Variants in CHD6 observed in about 807,000 individuals in gnomAD.
The protein encoded by CHD6 is chromodomain helicase DNA binding protein 6.
CHD6 carries 50 observed loss-of-function variants against 276.9 expected under a neutral mutation model. The observed-to-expected ratio is 0.18, with a 90% CI of 0.14 to 0.23. CHD6 has a LOEUF of 0.23. Ranked by LOEUF, CHD6 falls within the 10% of genes least tolerant of loss-of-function variation. The pLI is 1.00. For missense variants in CHD6, 2,564 were observed against 3,365.8 expected, an observed-to-expected ratio of 0.76 and a Z score of 5.89; for synonymous variants, 1,173 against 1,229.3, an observed-to-expected ratio of 0.95 and a Z score of 0.96.
intron 1 of CHD6, among the ~76,000 whole-genome samples, chr20:41,589,178 T>G (rs1601172181): frequency 6.6e-6 from 1 of 152,340 alleles, no homozygotes; most frequent in East Asian, 1.9e-4. Flanking sequence ...CCCTTCATGC[T>G]AAAAACTCTC....
In CHD6 at chr20:41,493,917, A is replaced by T; in HGVS notation, c.1120T>A (p.Tyr374Asn). Residue 374 changes from tyrosine (Y) to asparagine (N), a missense_variant, in exon 9 of 37, where the codon TAT becomes AAT. By Grantham distance (143) the Tyr-to-Asn change is moderately radical. Coordinates refer to ENST00000373233, the MANE Select transcript of CHD6 (RefSeq NM_032221.5). ...TCCAAGATGCGATCAACTTCTACAT[A>T]GTCTGGATTGAACAAGTCTTCATCA... ...EPDEDLFNPDYVEVDRILEVA... is the reference protein window; with the variant it reads ...EPDEDLFNPDNVEVDRILEVA... 6.2e-7 allele frequency: 1 copy of T among 1,613,950 alleles called. No homozygotes were observed. Among genetic ancestry groups the T allele is most frequent in the Non-Finnish European group, 8.5e-7 (1 of 1,179,892 alleles).
At chr20:41,453,223 G>GCC (rs374268945) in intron 20 of CHD6, among the ~76,000 whole-genome samples, 1 of 150,162 alleles carries the variant, frequency 6.7e-6, no homozygotes, top group South Asian at 2.1e-4. Flanking sequence ...GGCAGGCAAG[G>GCC]CCCCCCCCCA....
At chr20:41,450,656 G>C (rs1393353733) in intron 23 of CHD6, among the ~76,000 whole-genome samples, 1 of 152,218 alleles carries the variant, frequency 6.6e-6, no homozygotes, top group African/African-American at 2.4e-5. Context: ...CAGGGGCAGA[G>C]GATGACCTGA....
chr20:41,539,968 C>T lies in CHD6; in HGVS notation c.34-6398G>A, dbSNP rs573684022. On this transcript the variant is annotated intron_variant, in intron 2 of 36. Coordinates refer to ENST00000373233, the MANE Select transcript of CHD6 (RefSeq NM_032221.5). ...ATCACATTTTTGTTTTTAAAAAATACTATACGAATGCTAGCTTTTTAAAAC... is the reference window on the plus strand; with the variant it reads ...ATCACATTTTTGTTTTTAAAAAATATTATACGAATGCTAGCTTTTTAAAAC... 3.9e-5 allele frequency among the ~76,000 whole-genome samples: 6 copies of T among 152,282 alleles called. No individual in the cohort carries two copies. In the East Asian group the frequency reaches 1.2e-3, roughly 29 times the overall value.
At chr20:41,514,702 G>T in intron 4 of CHD6, 103 bp downstream of exon 4, 1 of 1,329,482 alleles carries the variant, frequency 7.5e-7, no homozygotes, top group Non-Finnish European at 1.0e-6. Flanking sequence ...CCCAGGGCTA[G>T]GGAGTGTGCT....
Position 41,473,987 on chromosome 20 carries a change from G to A in CHD6, c.2469-470C>T, listed in dbSNP as rs531063989. 6.6e-5 allele frequency among the ~76,000 whole-genome samples: 10 copies of A among 152,250 alleles called. No individual in the cohort carries two copies. The East Asian group carries it at 1.9e-3, about 29-fold the overall frequency. On this transcript the variant is annotated intron_variant, in intron 16 of 36. Transcript: ENST00000373233. This position sits in a 1 kb window ranked among gnomAD's most constrained non-coding sequence, Gnocchi z 4.1. ...GCTACTTTAGGGTAAACCAGAAATG[G>A]TAAGAAGATTAAACTGTGAGGCAGT... is the stretch of plus-strand genomic sequence containing the variant.
intron 1 of CHD6, among the ~76,000 whole-genome samples, chr20:41,574,959 C>T (rs898347516): frequency 6.6e-6 from 1 of 152,166 alleles, no homozygotes; most frequent in African/African-American, 2.4e-5. Context: ...CAGGGAAAAC[C>T]GATCAGACAT....
At chr20:41,446,397 C>T (rs1020311918) in intron 24 of CHD6, among the ~76,000 whole-genome samples, 1 of 151,816 alleles carries the variant, frequency 6.6e-6, no homozygotes, top group African/African-American at 2.4e-5. Context: ...ACATAACTCA[C>T]CCCAGGGCAC....
chr20:41,484,388 G>A lies in CHD6; in HGVS notation c.2221C>T (p.Leu741=), dbSNP rs924144952. 5 of 1,613,722 alleles carry A rather than the reference G, an allele frequency of 3.1e-6. No homozygotes were observed. The highest frequency in any genetic ancestry group is 3.3e-5 in the Admixed American group (2 of 59,980). ...TAGGGATGGTTACAGCACTTCCTCA[G>A]CTCCATCATGGTGTTGATGAGATTG... The part of the protein sequence containing the change: ...MPNLINTMME[L]RKCCNHPYLI... Residue 741 remains leucine, a synonymous_variant, in exon 15 of 37, where the codon CTG becomes TTG. Coordinates refer to ENST00000373233, the MANE Select transcript of CHD6 (RefSeq NM_032221.5).
At chr20:41,544,526 A>T (rs997413116) in intron 2 of CHD6, among the ~76,000 whole-genome samples, 2 of 152,126 alleles carry the variant, frequency 1.3e-5, no homozygotes, top group Non-Finnish European at 2.9e-5. Flanking sequence ...GCTTATTTCC[A>T]TTAAAATTTT....
chr20:41,603,121 G>T (rs572668052), intron 1 of CHD6, among the ~76,000 whole-genome samples: 9 of 152,130 alleles, frequency 5.9e-5, no homozygotes, highest in Non-Finnish European at 8.8e-5. Context: ...GAGAGGCCAA[G>T]GTGGGTGGAT....
In CHD6 at chr20:41,483,347, G is replaced by A; in HGVS notation, c.2430C>T (p.Arg810=). The A allele has an allele frequency of 6.2e-7, 1 of 1,613,722 alleles. No homozygotes were observed. Among genetic ancestry groups the A allele is most frequent in the Non-Finnish European group, 8.5e-7 (1 of 1,179,784 alleles). The change falls in exon 16 of 37, where the codon CGC becomes CGT. Residue 810 remains arginine (R), a synonymous_variant. Coordinates refer to ENST00000373233, the MANE Select transcript of CHD6 (RefSeq NM_032221.5). ...GGTAATCTTCTAGGATGTCGAGGCA[G>A]CGCACCATCTGGGAGAAGATGAGTA... ...HKVLIFSQMV[R]CLDILEDYLI...
At chr20:41,445,601 G>T in intron 25 of CHD6, 64 bp downstream of exon 25, 2 of 1,021,750 alleles carry the variant, frequency 2.0e-6, no homozygotes, top group East Asian at 2.4e-5. Flanking sequence ...TAGTTGGAGG[G>T]GCTGAACTCA....
intron 5 of CHD6, among the ~76,000 whole-genome samples, chr20:41,507,791 A>T (rs2044012899): frequency 6.6e-6 from 1 of 152,204 alleles, no homozygotes; most frequent in Non-Finnish European, 1.5e-5. Context: ...TTTTATCCTT[A>T]GGGAAAAATT....
intron 17 of CHD6, among the ~76,000 whole-genome samples, chr20:41,471,988 C>T (rs1165025654): frequency 6.6e-6 from 1 of 152,056 alleles, no homozygotes; most frequent in Non-Finnish European, 1.5e-5. Context: ...AATCCCACCA[C>T]TTTGGGAGGC....
intron 2 of CHD6, among the ~76,000 whole-genome samples, chr20:41,546,378 C>T (rs1337046538): frequency 6.6e-6 from 1 of 152,104 alleles, no homozygotes; most frequent in African/African-American, 2.4e-5. Flanking sequence ...AGCTCCAAGC[C>T]GTCATCCTAC....
chr20:41,449,193 G>A (rs965276942), intron 23 of CHD6, among the ~76,000 whole-genome samples: 2 of 152,178 alleles, frequency 1.3e-5, no homozygotes, highest in Non-Finnish European at 2.9e-5. Context: ...GTGAACCACT[G>A]CACCCAACCT....
intron 25 of CHD6, among the ~76,000 whole-genome samples, 171 bp from the exon 26 acceptor site, chr20:41,440,300 T>G (rs954014381): frequency 6.6e-6 from 1 of 152,204 alleles, no homozygotes; most frequent in Non-Finnish European, 1.5e-5. Flanking sequence ...ATCCTGGTGC[T>G]AAAGCGGACA....
chr20:41,537,473 G>C (rs1370841037), intron 2 of CHD6, among the ~76,000 whole-genome samples: 1 of 152,164 alleles, frequency 6.6e-6, no homozygotes, highest in Non-Finnish European at 1.5e-5. Flanking sequence ...TTAAATAAGG[G>C]ACTTGAGCAT....
Sources: allele counts gnomAD v4.1 joint callset (sites outside exome capture counted in the v4.1 genomes callset), GRCh38; gene constraint gnomAD v4.1.1; non-coding constraint Gnocchi (gnomAD v3.1); transcripts MANE v1.5; gene names NCBI Gene and HGNC (gene_info 2026-07-23, HGNC 2026-07-21).